TMCO4: variants seen among roughly 807,000 people sequenced by gnomAD.
TMCO4 encodes transmembrane and coiled-coil domains 4, also known as transmembrane and coiled-coil domain-containing protein 4.
A neutral mutation model predicts 64.7 loss-of-function variants in TMCO4; 58 were observed. That is an observed-to-expected ratio of 0.90 (90% CI 0.73 to 1.12). The LOEUF is 1.12. Among genes scored for constraint, TMCO4 ranks in the 50% most tolerant of loss-of-function variants. The pLI is 0.00. For synonymous variants in TMCO4, 325 were observed against 346.1 expected (o/e 0.94, Z 0.68); for missense variants, 780 against 825.9 (o/e 0.94, Z 0.68).
At position 19,683,216 on chromosome 1, in the gene TMCO4, TG is replaced by T. The variant is rs778752030; in HGVS notation, c.1728del (p.Thr577GlnfsTer10). 3 of 1,614,068 alleles carry T rather than the reference TG, an allele frequency of 1.9e-6. No individual in the cohort carries two copies. The African/African-American group carries it at 4.0e-5, about 22-fold the overall frequency. On this transcript the variant is annotated frameshift_variant, in exon 16 of 16. Transcript: ENST00000294543. LOFTEE classifies it low-confidence loss of function (END_TRUNC). ...GGCACCTGGGCTTGGCTGGGGTCTG[TG>T]GACATGGCCAATTTGGAGGTGTCTC... ...ISGDTSKLAM[S>X]TDPSQAQVPV...
intron 7 of TMCO4, among the ~76,000 whole-genome samples, chr1:19,750,983 C>T (rs2041999450): frequency 1.3e-5 from 2 of 152,224 alleles, no homozygotes; most frequent in African/African-American, 4.8e-5. Flanking sequence ...AACACAGCTT[C>T]CTGGGGCAGA....
At chr1:19,701,039 T>C in intron 13 of TMCO4, 154 bp from the exon 14 acceptor site, 1 of 625,848 alleles carries the variant, frequency 1.6e-6, no homozygotes, top group Non-Finnish European at 2.8e-6. Context: ...TGTACACACA[T>C]GCAAACACGC....
intron 13 of TMCO4, among the ~76,000 whole-genome samples, chr1:19,719,570 C>A (rs113772937): frequency 4.4e-4 from 67 of 152,138 alleles, no homozygotes; most frequent in Middle Eastern, 3.4e-3. Flanking sequence ...CCTCTGTCAC[C>A]CAGGCTAGAG....
chr1:19,741,517 C>G (rs1204222738), intron 10 of TMCO4, among the ~76,000 whole-genome samples: 1 of 152,050 alleles, frequency 6.6e-6, no homozygotes, highest in African/African-American at 2.4e-5. Context: ...CCTCAATTTT[C>G]TCACTGAGGA....
chr1:19,683,009 TGGGGAAGACG>T lies in TMCO4; in HGVS notation c.*21_*30del. 6.5e-7 allele frequency: 1 copy of T among 1,531,590 alleles called. No individual in the cohort carries two copies. The highest frequency in any genetic ancestry group is 1.3e-5 in the South Asian group (1 of 76,582). 94.9% of individuals were successfully genotyped at this position (1,531,590 alleles called of 1,614,324 possible). On this transcript the variant is annotated 3_prime_UTR_variant, in exon 16 of 16. Transcript: ENST00000294543. ...ATAAGAGAGAGCTGCATATGGAGAC[TGGGGAAGACG>T]GCTCAGGTCCCCTGCTGTGGTCAGT...
intron 7 of TMCO4, chr1:19,750,146 A>G (rs1041270153): frequency 1.3e-5 from 2 of 152,196 alleles, no homozygotes; most frequent in Non-Finnish European, 2.9e-5. Flanking sequence ...TTTCCTCCTC[A>G]ACACAGGCTG....
At chr1:19,757,166 G>GGC (rs1553145666) in intron 6 of TMCO4, among the ~76,000 whole-genome samples, 14 of 150,476 alleles carry the variant, frequency 9.3e-5, no homozygotes, top group African/African-American at 3.4e-4. Context: ...TGGCGGGGGG[G>GGC]GGCGCCTGTA....
At chr1:19,751,972 C>A (rs905398886) in intron 7 of TMCO4, among the ~76,000 whole-genome samples, 1 of 151,412 alleles carries the variant, frequency 6.6e-6, no homozygotes, top group Admixed American at 6.6e-5. Context: ...GGCGTGAACC[C>A]AGGAGGCGGA....
At chr1:19,723,431 G>T (rs1481488119) in intron 13 of TMCO4, among the ~76,000 whole-genome samples, 2 of 152,188 alleles carry the variant, frequency 1.3e-5, no homozygotes, top group African/African-American at 4.8e-5. Context: ...GGGTGGCTGA[G>T]CCTGCTGTGT....
intron 13 of TMCO4, among the ~76,000 whole-genome samples, chr1:19,719,456 T>C (rs966614599): frequency 4.6e-5 from 7 of 152,152 alleles, no homozygotes; most frequent in African/African-American, 1.7e-4. Flanking sequence ...ATAAACATAA[T>C]AACCATAACA....
intron 6 of TMCO4, among the ~76,000 whole-genome samples, chr1:19,767,983 T>G (rs1288726094): frequency 6.6e-6 from 1 of 151,172 alleles, no homozygotes; most frequent in Non-Finnish European, 1.5e-5. Context: ...TCCCAGCTAC[T>G]CAGGAGGCTG....
At position 19,700,619 on chromosome 1, in the gene TMCO4, G is replaced by A. The variant is rs577065602; in HGVS notation, c.1382+149C>T. 7.7e-5 allele frequency: 56 copies of A among 727,804 alleles called. 3 individuals carry two copies. In the South Asian group the frequency reaches 9.7e-4, roughly 13 times the overall value. 45.1% of individuals were successfully genotyped at this position (727,804 alleles called of 1,614,324 possible). The stretch of plus-strand genomic sequence containing the variant: ...AGATCAGATCACCAGGCCTGGGCCT[G>A]CTCCTAACAGGGCCGGTGCCCGGCC... On this transcript the variant is annotated intron_variant, in intron 14 of 15. Coordinates refer to ENST00000294543, the MANE Select transcript of TMCO4 (RefSeq NM_181719.7).
chr1:19,736,100 G>A (rs145233549), intron 13 of TMCO4, among the ~76,000 whole-genome samples: 1 of 152,324 alleles, frequency 6.6e-6, no homozygotes, highest in Non-Finnish European at 1.5e-5. Flanking sequence ...AGAATCGTGA[G>A]AAATGATCAG....
At chr1:19,773,844 C>T (rs1350366739) in intron 4 of TMCO4, among the ~76,000 whole-genome samples, 3 of 152,112 alleles carry the variant, frequency 2.0e-5, no homozygotes, top group Non-Finnish European at 2.9e-5. Context: ...TTTTGATTTA[C>T]AAGGTGGCAG....
At chr1:19,709,062 G>A (rs1194441401) in intron 13 of TMCO4, among the ~76,000 whole-genome samples, 1 of 152,104 alleles carries the variant, frequency 6.6e-6, no homozygotes, top group Non-Finnish European at 1.5e-5. Context: ...ACAGAAGGGA[G>A]GGGGGACCAA....
Position 19,682,495 on chromosome 1 carries a change from G to T in TMCO4, c.*545C>A, listed in dbSNP as rs191411367. The T allele has an allele frequency of 1.6e-4, 106 of 665,892 alleles. No homozygotes were observed. Among genetic ancestry groups the T allele is most frequent in the Non-Finnish European group, 2.5e-4 (91 of 359,352 alleles). 41.2% of individuals were successfully genotyped at this position (665,892 alleles called of 1,614,324 possible). On this transcript the variant is annotated 3_prime_UTR_variant, in exon 16 of 16. Coordinates refer to ENST00000294543, the MANE Select transcript of TMCO4 (RefSeq NM_181719.7). ...CTACATGGCTGTACAGGGCAGATCTGATTGGATCTCCTAAGAGCAGGAGTG... is the reference window on the plus strand; with the variant it reads ...CTACATGGCTGTACAGGGCAGATCTTATTGGATCTCCTAAGAGCAGGAGTG...
intron 6 of TMCO4, among the ~76,000 whole-genome samples, chr1:19,769,895 G>A (rs113298231): frequency 2.8e-3 from 336 of 119,074 alleles, no homozygotes; most frequent in Non-Finnish European, 5.2e-3. Flanking sequence ...GATGCAAGCC[G>A]CAAAGCATAC....
chr1:19,742,910 C>T (rs557289010), intron 10 of TMCO4, among the ~76,000 whole-genome samples: 1 of 152,116 alleles, frequency 6.6e-6, no homozygotes, highest in Admixed American at 6.5e-5. Context: ...ACTAGCCGGG[C>T]GTGGTGGCAC....
At chr1:19,757,652 CT>C (rs1352306335) in intron 6 of TMCO4, among the ~76,000 whole-genome samples, 1 of 152,106 alleles carries the variant, frequency 6.6e-6, no homozygotes, top group African/African-American at 2.4e-5. Flanking sequence ...TCACTCCTTC[CT>C]TTGGGGGTCT....
Sources: gnomAD v4.1 joint callset for allele counts (sites outside exome capture counted in the v4.1 genomes callset) on GRCh38, gnomAD v4.1.1 for gene constraint, MANE v1.5 for transcripts, NCBI Gene and HGNC (gene_info 2026-07-23, HGNC 2026-07-21) for gene names.